The following ZSWIM6 variants were observed in gnomAD, a reference collection of about 807,000 sequenced individuals.
The protein encoded by ZSWIM6 is zinc finger SWIM domain-containing protein 6.
A neutral mutation model predicts 113.2 loss-of-function variants in ZSWIM6; 9 were observed. That is an observed-to-expected ratio of 0.08 (90% CI 0.05 to 0.14). The LOEUF is 0.14. Ranked by LOEUF, ZSWIM6 falls within the 10% of genes least tolerant of loss-of-function variation. The probability of loss-of-function intolerance (pLI) is 1.00; values close to 1 mark genes in which losing one functional copy is unlikely to be tolerated. For synonymous variants in ZSWIM6, 611 were observed against 606.5 expected, an observed-to-expected ratio of 1.01 and a Z score of -0.11; for missense variants, 1,162 against 1,552.2, an observed-to-expected ratio of 0.75 and a Z score of 4.22.
chr5:61,347,254 A>T, intron 1 of ZSWIM6: 1 of 176,928 alleles, frequency 5.7e-6, no homozygotes, highest in Non-Finnish European at 1.3e-5. Flanking sequence ...GACAAATACC[A>T]AGCTCTGTGC....
chr5:61,540,236 C>T (rs1488928904), intron 12 of ZSWIM6, among the ~76,000 whole-genome samples: 5 of 152,124 alleles, frequency 3.3e-5, no homozygotes, highest in South Asian at 2.1e-4. Context: ...GAGGAGTGAT[C>T]GGGCCAGAGT....
intron 1 of ZSWIM6, among the ~76,000 whole-genome samples, chr5:61,431,018 C>A (rs1370446524): frequency 1.3e-5 from 2 of 152,048 alleles, no homozygotes; most frequent in Admixed American, 6.5e-5. Context: ...GGTGTTGGGG[C>A]AGAAGGGATA....
At chr5:61,464,612 A>G (rs1430606990) in intron 1 of ZSWIM6, among the ~76,000 whole-genome samples, 1 of 152,100 alleles carries the variant, frequency 6.6e-6, no homozygotes, top group African/African-American at 2.4e-5. Flanking sequence ...GTGAGGGATC[A>G]GGTGAGAGCT....
intron 1 of ZSWIM6, among the ~76,000 whole-genome samples, chr5:61,334,650 G>A (rs1744351535): frequency 6.6e-6 from 1 of 152,122 alleles, no homozygotes; most frequent in South Asian, 2.1e-4. Flanking sequence ...GCAGCCCCCA[G>A]TGTTGCCTTT....
chr5:61,471,593 T>G (rs1259532964), intron 1 of ZSWIM6, among the ~76,000 whole-genome samples: 1 of 151,916 alleles, frequency 6.6e-6, no homozygotes. Context: ...AGAGCAAGGG[T>G]CCCTCAACCC....
At chr5:61,523,780 A>C (rs931655768) in intron 5 of ZSWIM6, among the ~76,000 whole-genome samples, 5 of 152,334 alleles carry the variant, frequency 3.3e-5, no homozygotes, top group African/African-American at 9.6e-5. Flanking sequence ...CTTGTCATTT[A>C]AATTTCATTT....
chr5:61,538,936 G>A lies in ZSWIM6; in HGVS notation c.2504G>A (p.Cys835Tyr). ...CTAAGCCACATTGAGTCCCAGCAGT[G>A]TGAGCTGGCATCCACCATGCTAACT... ...FTLSHIESQQ[C>Y]ELASTMLTAA... The change falls in exon 11 of 14, where the codon TGT becomes TAT. Residue 835 changes from cysteine to tyrosine, a missense_variant. By Grantham distance (194) the Cys-to-Tyr change is radical (BLOSUM62 -2). This residue lies in a region of ZSWIM6 where 620 missense variants were observed against 804.6 expected (regional missense o/e 0.77). Transcript: ENST00000252744. The A allele has an allele frequency of 6.4e-7, 1 of 1,552,058 alleles. No homozygotes were observed. Among genetic ancestry groups the A allele is most frequent in the Middle Eastern group, 1.7e-4 (1 of 5,992 alleles).
chr5:61,358,373 T>C (rs1163685368), intron 1 of ZSWIM6, among the ~76,000 whole-genome samples: 1 of 152,232 alleles, frequency 6.6e-6, no homozygotes, highest in African/African-American at 2.4e-5. Context: ...ATTTAACTGC[T>C]GTTATTTGAA....
Position 61,345,071 on chromosome 5 carries a change from AG to A in ZSWIM6, c.676+12125del, listed in dbSNP as rs1416098375. On this transcript the variant is annotated intron_variant, in intron 1 of 13. Transcript: ENST00000252744. ...CTTTTCATTTTGCGGTGCCACCAAG[AG>A]GTGTGAAATTTGCCTGATTTATTTA... 3.3e-5 allele frequency among the ~76,000 whole-genome samples: 5 copies of A among 152,236 alleles called. No homozygotes were observed. In the East Asian group the frequency reaches 9.7e-4, roughly 29 times the overall value.
At chr5:61,542,045 A>AAAAGAGTGAATATG in intron 13 of ZSWIM6, 80 bp downstream of exon 13, 1 of 1,297,222 alleles carries the variant, frequency 7.7e-7, no homozygotes, top group Non-Finnish European at 1.1e-6. Context: ...ATGTGAACAT[A>AAAAGAGTGAATATG]TTCACTCTTT....
intron 1 of ZSWIM6, among the ~76,000 whole-genome samples, chr5:61,464,481 T>A (rs930470126): frequency 2.0e-5 from 3 of 152,104 alleles, no homozygotes; most frequent in Admixed American, 6.5e-5. Flanking sequence ...TCTTCACCTG[T>A]AGAAAGGGGA....
chr5:61,525,867 G>A lies in ZSWIM6; in HGVS notation c.1581G>A (p.Gln527=), dbSNP rs777874640. The A allele has an allele frequency of 1.0e-5, 16 of 1,551,892 alleles. No homozygotes were observed. The highest frequency in any genetic ancestry group is 1.4e-5 in the Non-Finnish European group (16 of 1,147,014). The change falls in exon 6 of 14, where the codon CAG becomes CAA. Residue 527 remains glutamine (Q), a synonymous_variant. Coordinates refer to ENST00000252744, the MANE Select transcript of ZSWIM6 (RefSeq NM_020928.2). ...TCGAGGCATGCGATCTCCACTGGCA[G>A]GATAGCCACTTGCAGCACATTATCA... is the stretch of plus-strand genomic sequence containing the variant. ...RAIEACDLHW[Q]DSHLQHIISS... is the part of the protein sequence containing the mutation.
At chr5:61,350,437 G>A (rs1221181838) in intron 1 of ZSWIM6, among the ~76,000 whole-genome samples, 3 of 152,000 alleles carry the variant, frequency 2.0e-5, no homozygotes, top group African/African-American at 7.3e-5. Flanking sequence ...CCGTCAGTGG[G>A]CTCTCCTCAA....
At chr5:61,496,683 T>A (rs2112223254) in intron 4 of ZSWIM6, among the ~76,000 whole-genome samples, 1 of 152,254 alleles carries the variant, frequency 6.6e-6, no homozygotes, top group East Asian at 1.9e-4. Context: ...AGGACCTGAA[T>A]ACAAATGTCA....
At chr5:61,361,861 C>G (rs780836770) in intron 1 of ZSWIM6, among the ~76,000 whole-genome samples, 10 of 152,186 alleles carry the variant, frequency 6.6e-5, no homozygotes, top group East Asian at 1.9e-4. Flanking sequence ...GCAAGAAGAT[C>G]GTGGAAAATA....
intron 1 of ZSWIM6, among the ~76,000 whole-genome samples, chr5:61,397,016 G>A (rs917066486): frequency 1.3e-5 from 2 of 152,268 alleles, no homozygotes; most frequent in South Asian, 2.1e-4. Context: ...CTCAGAGAGG[G>A]TAATGACTTA....
chr5:61,364,811 A>G (rs916957398), intron 1 of ZSWIM6, among the ~76,000 whole-genome samples: 4 of 152,182 alleles, frequency 2.6e-5, no homozygotes, highest in East Asian at 1.9e-4. Flanking sequence ...TTCTGCCCTC[A>G]TGACCTAATC....
chr5:61,440,804 C>T (rs993117991), intron 1 of ZSWIM6, among the ~76,000 whole-genome samples: 6 of 152,148 alleles, frequency 3.9e-5, no homozygotes, highest in Admixed American at 3.3e-4. Context: ...TGCGTGCCAG[C>T]CATGTGCCTG....
chr5:61,443,629 G>T (rs1423581810), intron 1 of ZSWIM6, among the ~76,000 whole-genome samples: 1 of 152,152 alleles, frequency 6.6e-6, no homozygotes, highest in African/African-American at 2.4e-5. Flanking sequence ...GATCATTGGT[G>T]TCCATAAAAT....
Sources: allele counts gnomAD v4.1 joint callset (sites outside exome capture counted in the v4.1 genomes callset), GRCh38; gene constraint gnomAD v4.1.1; regional missense constraint gnomAD v4.1.1; transcripts MANE v1.5; gene names NCBI Gene and HGNC (gene_info 2026-07-23, HGNC 2026-07-21).